PTPN18: variants seen among roughly 807,000 people sequenced by gnomAD.
PTPN18 encodes protein tyrosine phosphatase non-receptor type 18.
PTPN18 carries 65 observed loss-of-function variants against 65.4 expected under a neutral mutation model. The ratio of observed to expected loss-of-function variants is 0.99; its 90% CI spans 0.81 to 1.22. PTPN18 has a LOEUF of 1.22. Among genes scored for constraint, PTPN18 ranks in the 50% most tolerant of loss-of-function variants. PTPN18 has a pLI of 0.00. For synonymous variants in PTPN18, 255 were observed against 267.8 expected (o/e 0.95, Z 0.47); for missense variants, 616 against 646.5 (o/e 0.95, Z 0.51).
chr2:130,369,384 T>G (rs1201618000), intron 6 of PTPN18, among the ~76,000 whole-genome samples, 183 bp downstream of exon 6: 2 of 152,234 alleles, frequency 1.3e-5, no homozygotes, highest in African/African-American at 2.4e-5. Flanking sequence ...CTACAATCAG[T>G]TAATCTCTGT....
At chr2:130,372,639 G>A in intron 13 of PTPN18, 156 bp downstream of exon 13, 8 of 1,083,920 alleles carry the variant, frequency 7.4e-6, no homozygotes, top group Non-Finnish European at 1.0e-5. Flanking sequence ...CCCTGGCCAC[G>A]CCCCGGAAGC....
chr2:130,358,309 G>A (rs566801501), intron 1 of PTPN18, among the ~76,000 whole-genome samples: 12 of 152,266 alleles, frequency 7.9e-5, no homozygotes, highest in Non-Finnish European at 1.6e-4. Context: ...GGTAATACAC[G>A]ATTCACTAAT....
chr2:130,372,753 C>T (rs1680616629), intron 13 of PTPN18, 120 bp from the exon 14 acceptor site: 4 of 1,266,850 alleles, frequency 3.2e-6, no homozygotes, highest in Non-Finnish European at 4.4e-6. Flanking sequence ...TGTGCCTTCT[C>T]CCGCCCGGCG....
chr2:130,356,466 C>T (rs1298881454), intron 1 of PTPN18: 10 of 510,922 alleles, frequency 2.0e-5, no homozygotes, highest in Non-Finnish European at 3.7e-5. Context: ...GTGTCCTCGT[C>T]GCGCTCCCGG....
rs766755516 is a variant in PTPN18, at chr2:130,356,152, G to A, written c.45G>A (p.Leu15=). ...CGGCGCGGAGCTTCCTGGAGCGGCT[G>A]GAAGCGCGGGGCGGCCGGGAGGGGG... The part of the protein sequence containing the change: ...LDSARSFLER[L]EARGGREGAV... The change falls in exon 1 of 15, where the codon CTG becomes CTA. Residue 15 remains leucine, a synonymous_variant. Coordinates refer to ENST00000175756, the MANE Select transcript of PTPN18 (RefSeq NM_014369.4). 1 of 1,314,208 alleles carries A rather than the reference G, an allele frequency of 7.6e-7. No individual in the cohort carries two copies. The allele number at this position is 1,314,208 out of a possible 1,614,324, so 81.4% of individuals were successfully genotyped here.
intron 12 of PTPN18, 97 bp downstream of exon 12, chr2:130,371,384 C>A: frequency 9.5e-7 from 1 of 1,057,932 alleles, no homozygotes; most frequent in Non-Finnish European, 1.4e-6. Context: ...TTCACTTCGC[C>A]AAGTGTTCGC....
chr2:130,371,000 T>C, intron 11 of PTPN18, 36 bp downstream of exon 11: 1 of 1,594,516 alleles, frequency 6.3e-7, no homozygotes, highest in Non-Finnish European at 8.6e-7. Flanking sequence ...CTGTCCACCA[T>C]CAGCACCCTC....
rs1234203122 is a variant in PTPN18 at position 130,369,754 on chromosome 2, C to G, written c.484-11C>G. On this transcript the variant is annotated splice_polypyrimidine_tract_variant and intron_variant, in intron 6 of 14. Transcript: ENST00000175756. ...CTCCCTCTTCTTACTTGCCCCACCCCCCTTACTCAGATAAAGGAGAAGTGG... is the reference window on the plus strand; with the variant it reads ...CTCCCTCTTCTTACTTGCCCCACCCGCCTTACTCAGATAAAGGAGAAGTGG... 1 of 1,582,792 alleles carries G rather than the reference C, an allele frequency of 6.3e-7. No homozygotes were observed. Among genetic ancestry groups the G allele is most frequent in the South Asian group, 1.1e-5 (1 of 90,186 alleles).
chr2:130,366,255 AC>A (rs1401003026), intron 5 of PTPN18, among the ~76,000 whole-genome samples: 5 of 152,224 alleles, frequency 3.3e-5, no homozygotes, highest in African/African-American at 4.8e-5. Flanking sequence ...ACATTTTGGT[AC>A]AGGCTAGGCA....
rs772661196 is a variant in PTPN18, at chr2:130,373,137, C to T, written c.1316-20C>T. On this transcript the variant is annotated intron_variant, in intron 14 of 14. Coordinates refer to ENST00000175756, the MANE Select transcript of PTPN18 (RefSeq NM_014369.4). This position sits in a 1 kb window ranked among gnomAD's most constrained non-coding sequence, Gnocchi z 4.1. ...CACCTCAGCTTCTCCATGAGACCCACGGCACCCTTCTTCTCCCAGGTTTCA... is the reference window on the plus strand; with the variant it reads ...CACCTCAGCTTCTCCATGAGACCCATGGCACCCTTCTTCTCCCAGGTTTCA... The T allele has an allele frequency of 3.8e-6, 6 of 1,560,786 alleles. No homozygotes were observed. The highest frequency in any genetic ancestry group is 1.4e-5 in the African/African-American group (1 of 73,152).
At chr2:130,369,351 T>C in intron 6 of PTPN18, 150 bp downstream of exon 6, 2 of 718,194 alleles carry the variant, frequency 2.8e-6, no homozygotes, top group South Asian at 1.8e-5. Flanking sequence ...ACTATAGGGA[T>C]AGCCTTTGCA....
In PTPN18 at chr2:130,359,453, G is replaced by T; in HGVS notation, c.336G>T (p.Leu112=). ...IATQGPLPHT[L]LDFWRLVWEF... is the part of the protein sequence containing the mutation. ...CGCAAGGACCCTTGCCTCACACCCT[G>T]CTAGACTTCTGGAGACTGGTCTGGG... Residue 112 remains leucine, a synonymous_variant, in exon 4 of 15, where the codon CTG becomes CTT. Transcript: ENST00000175756. The T allele has an allele frequency of 6.2e-7, 1 of 1,614,208 alleles. No individual in the cohort carries two copies. Among genetic ancestry groups the T allele is most frequent in the African/African-American group, 1.3e-5 (1 of 75,056 alleles).
intron 5 of PTPN18, among the ~76,000 whole-genome samples, chr2:130,361,946 T>C (rs927131368): frequency 1.3e-5 from 2 of 152,026 alleles, no homozygotes; most frequent in African/African-American, 4.8e-5. Context: ...GTATCTATGT[T>C]CATCTTTATT....
rs185569496 is a variant in PTPN18 at position 130,367,710 on chromosome 2, T to C, written c.415-1423T>C. On this transcript the variant is annotated intron_variant, in intron 5 of 14. Transcript: ENST00000175756. Reference sequence around the variant, plus strand: ...TTTTCTCTTCTTCATTCTTTTTCAGTAATTTGATCATGATCTGCCTTGGCG... The same window carrying C: ...TTTTCTCTTCTTCATTCTTTTTCAGCAATTTGATCATGATCTGCCTTGGCG... Among the ~76,000 whole-genome samples, 5 of 152,232 alleles carry C rather than the reference T, an allele frequency of 3.3e-5. No individual in the cohort carries two copies. In the East Asian group the frequency reaches 7.7e-4, roughly 24 times the overall value.
Position 130,373,087 on chromosome 2 carries a change from T to C in PTPN18, c.1316-70T>C. ...AGGACCTGGAGGCGGGGGGATGGCCTTCTTCATGTCTGCCAGCTTCCACAC... is the reference window on the plus strand; with the variant it reads ...AGGACCTGGAGGCGGGGGGATGGCCCTCTTCATGTCTGCCAGCTTCCACAC... On this transcript the variant is annotated intron_variant, in intron 14 of 14. Coordinates refer to ENST00000175756, the MANE Select transcript of PTPN18 (RefSeq NM_014369.4). This position sits in a 1 kb window ranked among gnomAD's most constrained non-coding sequence, Gnocchi z 4.1. The C allele has an allele frequency of 6.5e-7, 1 of 1,547,668 alleles. No individual in the cohort carries two copies. Among genetic ancestry groups the C allele is most frequent in the Non-Finnish European group, 8.8e-7 (1 of 1,136,226 alleles).
chr2:130,356,449 G>A (rs1208172462), intron 1 of PTPN18, among the ~76,000 whole-genome samples: 1 of 151,180 alleles, frequency 6.6e-6, no homozygotes, highest in African/African-American at 2.4e-5. Flanking sequence ...GCACACCCTC[G>A]TTCCCGGTGT....
At chr2:130,370,256 G>A (rs938746402) in intron 8 of PTPN18, 66 bp downstream of exon 8, 1 of 1,592,034 alleles carries the variant, frequency 6.3e-7, no homozygotes, top group Non-Finnish European at 8.5e-7. Flanking sequence ...GGGGAGTACA[G>A]GGCATGGGGC....
chr2:130,368,111 C>T (rs1360058811), intron 5 of PTPN18, among the ~76,000 whole-genome samples: 1 of 152,086 alleles, frequency 6.6e-6, no homozygotes, highest in African/African-American at 2.4e-5. Context: ...TTCCACTCTG[C>T]ATCATGTTCA....
At position 130,359,070 on chromosome 2, in the gene PTPN18, T is replaced by A. The variant is rs1043871651; in HGVS notation, c.202+95T>A. Reference sequence around the variant, plus strand: ...ACTGGAGTCACCCACTGTGCTCTCCTCCCAGAGCCTCACCCTCTGCACTGC... The same window carrying A: ...ACTGGAGTCACCCACTGTGCTCTCCACCCAGAGCCTCACCCTCTGCACTGC... On this transcript the variant is annotated intron_variant, in intron 2 of 14. Transcript: ENST00000175756. 5.5e-6 allele frequency: 8 copies of A among 1,455,416 alleles called. No homozygotes were observed. The African/African-American group carries it at 1.1e-4, about 20-fold the overall frequency. 90.2% of individuals were successfully genotyped at this position (1,455,416 alleles called of 1,614,324 possible).
Sources: allele counts gnomAD v4.1 joint callset (sites outside exome capture counted in the v4.1 genomes callset), GRCh38; gene constraint gnomAD v4.1.1; non-coding constraint Gnocchi (gnomAD v3.1); transcripts MANE v1.5; gene names NCBI Gene and HGNC (gene_info 2026-07-23, HGNC 2026-07-21).